Variants in CIT observed in about 807,000 individuals in gnomAD.
CIT encodes citron rho-interacting serine/threonine kinase.
Under a neutral mutation model 272.7 loss-of-function variants are expected in CIT, and 79 were observed. The ratio of observed to expected loss-of-function variants is 0.29; its 90% CI spans 0.24 to 0.35. The LOEUF is 0.35. Among genes scored for constraint, CIT ranks in the 10% least tolerant of loss-of-function variants. The pLI is 1.00. For synonymous variants in CIT, 948 were observed against 995.6 expected (o/e 0.95, Z 0.90); for missense variants, 1,909 against 2,618.3 (o/e 0.73, Z 5.91).
intron 22 of CIT, 117 bp downstream of exon 22, chr12:119,757,254 C>T (rs1961114389): frequency 3.8e-6 from 5 of 1,329,554 alleles, no homozygotes; most frequent in Non-Finnish European, 5.2e-6. Flanking sequence ...AAGTCTGCCC[C>T]CTTAACCACC....
Position 119,688,126 on chromosome 12 carries a change from G to T in CIT, c.*106C>A. 8.0e-7 allele frequency: 1 copy of T among 1,250,952 alleles called. No homozygotes were observed. Among genetic ancestry groups the T allele is most frequent in the Non-Finnish European group, 1.2e-6 (1 of 850,874 alleles). The allele number at this position is 1,250,952 out of a possible 1,614,324, so 77.5% of individuals were successfully genotyped here. On this transcript the variant is annotated 3_prime_UTR_variant, in exon 48 of 48. Coordinates refer to ENST00000392521, the MANE Select transcript of CIT (RefSeq NM_001206999.2). ...TGGGTCTGGGCCCCGCTGAGCCAGA[G>T]GGTGGCTGAGCACGTGGGCGCTTGG...
At position 119,757,390 on chromosome 12, in the gene CIT, A is replaced by G; in HGVS notation, c.2687T>C (p.Leu896Pro). ...DHSDKNRLLE[L>P]ETRLREVSLE... Reference sequence around the variant, plus strand: ...TCTCACCTCCCGCAATCTTGTCTCCAGTTCCAGCAGCCGATTCTTGTCACT... The same window carrying G: ...TCTCACCTCCCGCAATCTTGTCTCCGGTTCCAGCAGCCGATTCTTGTCACT... The change falls in exon 22 of 48, where the codon CTG becomes CCG. Residue 896 changes from leucine to proline, a missense_variant. Leu to Pro is a moderately conservative substitution (Grantham distance 98). Coordinates refer to ENST00000392521, the MANE Select transcript of CIT (RefSeq NM_001206999.2). 1 of 1,613,932 alleles carries G rather than the reference A, an allele frequency of 6.2e-7. No individual in the cohort carries two copies. The highest frequency in any genetic ancestry group is 1.1e-5 in the South Asian group (1 of 91,042).
At chr12:119,848,323 C>T (rs1005729102) in intron 5 of CIT, among the ~76,000 whole-genome samples, 4 of 152,102 alleles carry the variant, frequency 2.6e-5, no homozygotes, top group Non-Finnish European at 5.9e-5. Context: ...CAGCAAATTC[C>T]CCAAAAACGG....
chr12:119,797,491 T>A (rs1033520118), intron 10 of CIT, among the ~76,000 whole-genome samples: 1 of 152,146 alleles, frequency 6.6e-6, no homozygotes, highest in African/African-American at 2.4e-5. Context: ...CTAATCCAGA[T>A]AATGAGGGGA....
intron 19 of CIT, among the ~76,000 whole-genome samples, chr12:119,761,894 G>A (rs139085688): frequency 4.2e-4 from 64 of 152,192 alleles, no homozygotes; most frequent in African/African-American, 1.5e-3. Flanking sequence ...ACAGCCCTAC[G>A]AGTTGCCAAA....
chr12:119,695,727 C>A (rs574498304), intron 46 of CIT, among the ~76,000 whole-genome samples: 1 of 151,938 alleles, frequency 6.6e-6, no homozygotes, highest in Admixed American at 6.6e-5. Context: ...GCCCAGAGGT[C>A]GAGGCTGCAG....
chr12:119,789,619 T>A (rs1965127364), intron 10 of CIT, among the ~76,000 whole-genome samples: 1 of 152,222 alleles, frequency 6.6e-6, no homozygotes, highest in Non-Finnish European at 1.5e-5. Flanking sequence ...TCAGTATGTA[T>A]TTCTTGAGCA....
intron 13 of CIT, among the ~76,000 whole-genome samples, chr12:119,780,437 T>C (rs147544254): frequency 6.6e-6 from 1 of 151,906 alleles, no homozygotes; most frequent in African/African-American, 2.4e-5. Flanking sequence ...ACAAACATGG[T>C]GAAACCCCAT....
At chr12:119,703,517 C>T (rs566023589) in intron 41 of CIT, among the ~76,000 whole-genome samples, 2 of 151,528 alleles carry the variant, frequency 1.3e-5, no homozygotes, top group South Asian at 2.1e-4. Flanking sequence ...CTTCCACCTC[C>T]CACGTTTATG....
chr12:119,778,208 A>G (rs1355422606), intron 13 of CIT, among the ~76,000 whole-genome samples: 1 of 152,230 alleles, frequency 6.6e-6, no homozygotes, highest in Non-Finnish European at 1.5e-5. Context: ...AAACAGCCCA[A>G]CCTTTTCCAA....
chr12:119,771,000 T>C lies in CIT; in HGVS notation c.2083-90A>G, dbSNP rs759214647. 11 of 1,473,880 alleles carry C rather than the reference T, an allele frequency of 7.5e-6. No individual in the cohort carries two copies. The highest frequency in any genetic ancestry group is 2.2e-5 in the Admixed American group (1 of 46,070). 91.3% of individuals were successfully genotyped at this position (1,473,880 alleles called of 1,614,324 possible). On this transcript the variant is annotated intron_variant, in intron 17 of 47. Transcript: ENST00000392521. The surrounding 1 kb of genome is among the most constrained non-coding windows in gnomAD (Gnocchi z 4.4). ...CGAGGGAAAGAGCCCTCAAGAAGCA[T>C]ACACTCGAGTCAGGAAGAAAAGTCT...
chr12:119,876,046 A>G, intron 2 of CIT, 27 bp downstream of exon 2: 1 of 1,474,856 alleles, frequency 6.8e-7, no homozygotes, highest in Non-Finnish European at 9.5e-7. Context: ...CACACAGGTG[A>G]GCAAAGTTGG....
At chr12:119,868,454 C>T (rs1050827829) in intron 3 of CIT, among the ~76,000 whole-genome samples, 3 of 152,138 alleles carry the variant, frequency 2.0e-5, no homozygotes, top group Non-Finnish European at 2.9e-5. Flanking sequence ...GACAGGGCCA[C>T]GGGATATTAT....
chr12:119,689,666 C>A (rs7961828), intron 47 of CIT, among the ~76,000 whole-genome samples: 3,319 of 75,186 alleles, frequency 0.044, 78 homozygotes, highest in Admixed American at 0.061. Flanking sequence ...TTAGGAAGCT[C>A]TTTTTTTTTT....
chr12:119,770,755 T>C lies in CIT; in HGVS notation c.2208+30A>G, dbSNP rs1238846119. On this transcript the variant is annotated intron_variant, in intron 18 of 47. Coordinates refer to ENST00000392521, the MANE Select transcript of CIT (RefSeq NM_001206999.2). This position sits in a 1 kb window ranked among gnomAD's most constrained non-coding sequence, Gnocchi z 4.4. ...CTTTGCAAACTCTAACCTGTTATCT[T>C]TTAACTTTGCGACTTTCATTCCTGC... 2 of 1,612,518 alleles carry C rather than the reference T, an allele frequency of 1.2e-6. No homozygotes were observed. The highest frequency in any genetic ancestry group is 4.5e-5 in the East Asian group (2 of 44,888).
Position 119,784,640 on chromosome 12 carries a change from G to A in CIT, c.1401+320C>T, listed in dbSNP as rs978687759. 1.2e-5 allele frequency: 15 copies of A among 1,242,594 alleles called. No individual in the cohort carries two copies. Among genetic ancestry groups the A allele is most frequent in the Non-Finnish European group, 1.5e-5 (15 of 987,254 alleles). The allele number at this position is 1,242,594 out of a possible 1,614,324, so 77.0% of individuals were successfully genotyped here. ...GAGAGACTTCGCATCACTCAAAGCA[G>A]ATGGGATGTATCTCAGCCACAGGTG... is the stretch of plus-strand genomic sequence containing the variant. On this transcript the variant is annotated intron_variant, in intron 11 of 47. Coordinates refer to ENST00000392521, the MANE Select transcript of CIT (RefSeq NM_001206999.2). The surrounding 1 kb of genome is among the most constrained non-coding windows in gnomAD (Gnocchi z 4.7).
chr12:119,832,320 A>AT (rs1968697078), intron 7 of CIT, among the ~76,000 whole-genome samples: 1 of 152,216 alleles, frequency 6.6e-6, no homozygotes, highest in Non-Finnish European at 1.5e-5. Flanking sequence ...CTTAAAAATG[A>AT]TATTTTGAGC....
At chr12:119,695,027 G>A (rs1346139413) in intron 46 of CIT, among the ~76,000 whole-genome samples, 1 of 152,054 alleles carries the variant, frequency 6.6e-6, no homozygotes, top group East Asian at 1.9e-4. Flanking sequence ...AGGAGCACGT[G>A]GGTATTTGGC....
chr12:119,699,025 CG>C (rs1454936491), intron 44 of CIT, among the ~76,000 whole-genome samples: 1 of 152,004 alleles, frequency 6.6e-6, no homozygotes, highest in Admixed American at 6.6e-5. Flanking sequence ...GAGGCCGAGG[CG>C]GGTGGATCAC....
Sources: gnomAD v4.1 joint callset for allele counts (sites outside exome capture counted in the v4.1 genomes callset) on GRCh38, gnomAD v4.1.1 for gene constraint, Gnocchi (gnomAD v3.1) non-coding constraint, MANE v1.5 for transcripts, NCBI Gene and HGNC (gene_info 2026-07-23, HGNC 2026-07-21) for gene names.